Variants in CHST11 observed in about 807,000 individuals in gnomAD.
CHST11 encodes C4S-1.
CHST11 carries 9 observed loss-of-function variants against 30.4 expected under a neutral mutation model. The ratio of observed to expected loss-of-function variants is 0.30; its 90% CI spans 0.18 to 0.52. The LOEUF is 0.52. Among genes scored for constraint, CHST11 ranks in the 20% least tolerant of loss-of-function variants. The probability of loss-of-function intolerance (pLI) is 0.97; values close to 1 mark genes in which losing one functional copy is unlikely to be tolerated. For missense variants in CHST11, 348 were observed against 460.6 expected (o/e 0.76, Z 2.24); for synonymous variants, 152 against 187.8 (o/e 0.81, Z 1.56).
chr12:104,702,071 G>A (rs1042805430), intron 2 of CHST11, among the ~76,000 whole-genome samples: 3 of 152,034 alleles, frequency 2.0e-5, no homozygotes, highest in Admixed American at 1.3e-4. Flanking sequence ...TTATTCATTC[G>A]AGAAGCAGGC....
intron 1 of CHST11, among the ~76,000 whole-genome samples, chr12:104,536,923 C>T (rs148058292): frequency 0.01 from 1,568 of 152,262 alleles, 15 homozygotes; most frequent in South Asian, 0.036. Context: ...CCATCTGTAC[C>T]TTAAGATCCT....
chr12:104,723,778 C>A (rs553442949), intron 2 of CHST11, among the ~76,000 whole-genome samples: 3 of 152,272 alleles, frequency 2.0e-5, no homozygotes, highest in Non-Finnish European at 2.9e-5. Flanking sequence ...GAAGACCGAG[C>A]GATTGGACTG....
intron 2 of CHST11, among the ~76,000 whole-genome samples, chr12:104,704,865 G>A (rs952535724): frequency 3.9e-5 from 6 of 151,994 alleles, no homozygotes; most frequent in African/African-American, 1.4e-4. Flanking sequence ...GGCCACCTTG[G>A]CCCCTCAGTA....
intron 1 of CHST11, among the ~76,000 whole-genome samples, chr12:104,487,460 G>C (rs2037692994): frequency 6.6e-6 from 1 of 152,182 alleles, no homozygotes; most frequent in South Asian, 2.1e-4. Flanking sequence ...CAAGGTCTCA[G>C]TATGTTGCCC....
At chr12:104,654,719 A>G (rs2039526625) in intron 2 of CHST11, among the ~76,000 whole-genome samples, 1 of 152,096 alleles carries the variant, frequency 6.6e-6, no homozygotes, top group Non-Finnish European at 1.5e-5. Context: ...ACCCCAGCTC[A>G]TAGCTGAGGC....
chr12:104,524,508 G>A (rs1430004795), intron 1 of CHST11, among the ~76,000 whole-genome samples: 1 of 151,978 alleles, frequency 6.6e-6, no homozygotes, highest in Non-Finnish European at 1.5e-5. Flanking sequence ...TTTAACCATT[G>A]GTATAAGCAT....
intron 1 of CHST11, among the ~76,000 whole-genome samples, chr12:104,582,089 T>C (rs1489987920): frequency 2.0e-5 from 3 of 152,220 alleles, no homozygotes; most frequent in Non-Finnish European, 4.4e-5. Context: ...GGATGCATCC[T>C]TATTTGCGAG....
chr12:104,583,721 C>CTTTTTTTTTTT (rs1297368145), intron 1 of CHST11, among the ~76,000 whole-genome samples: 3,667 of 9,672 alleles, frequency 0.38, 157 homozygotes, highest in African/African-American at 0.41. Flanking sequence ...AGATCTCTCT[C>CTTTTTTTTTTT]TTTTTTTTGA....
chr12:104,666,957 G>A (rs1366708426), intron 2 of CHST11, among the ~76,000 whole-genome samples: 1 of 152,232 alleles, frequency 6.6e-6, no homozygotes, highest in Non-Finnish European at 1.5e-5. Flanking sequence ...ACTCCTGCCA[G>A]TGTATGGCAT....
At chr12:104,602,935 C>T (rs983252467) in intron 2 of CHST11, among the ~76,000 whole-genome samples, 5 of 151,944 alleles carry the variant, frequency 3.3e-5, no homozygotes, top group African/African-American at 4.9e-5. Flanking sequence ...CCCCTACCCC[C>T]CTTCCCAATC....
intron 1 of CHST11, among the ~76,000 whole-genome samples, chr12:104,479,334 A>G (rs907522295): frequency 2.0e-5 from 3 of 152,156 alleles, no homozygotes; most frequent in Non-Finnish European, 4.4e-5. Context: ...CCCAGTAGAA[A>G]GAGAGAGTAC....
At chr12:104,700,646 C>T (rs2039984322) in intron 2 of CHST11, among the ~76,000 whole-genome samples, 1 of 152,134 alleles carries the variant, frequency 6.6e-6, no homozygotes, top group African/African-American at 2.4e-5. Flanking sequence ...GTACCTGGCA[C>T]CTGGTAATAC....
Position 104,458,554 on chromosome 12 carries a change from G to A in CHST11, c.118+1025G>A, listed in dbSNP as rs1449454023. 1.3e-5 allele frequency among the ~76,000 whole-genome samples: 2 copies of A among 152,234 alleles called. No individual in the cohort carries two copies. Among genetic ancestry groups the A allele is most frequent in the African/African-American group, 2.4e-5 (1 of 41,466 alleles). ...GGCCGGGGGTGAGCAGCTCGGCTGC[G>A]AAGCCCAACAGGTAGAACGTTCCGA... is the stretch of plus-strand genomic sequence containing the variant. On this transcript the variant is annotated intron_variant, in intron 1 of 2. Coordinates refer to ENST00000303694, the MANE Select transcript of CHST11 (RefSeq NM_018413.6). The surrounding 1 kb of genome is among the most constrained non-coding windows in gnomAD (Gnocchi z 5.7).
chr12:104,695,163 A>G (rs1477823680), intron 2 of CHST11, among the ~76,000 whole-genome samples: 1 of 152,194 alleles, frequency 6.6e-6, no homozygotes, highest in Non-Finnish European at 1.5e-5. Flanking sequence ...CAGCTGTCCC[A>G]TCTGTAAGAT....
At chr12:104,534,041 T>TA (rs143897415) in intron 1 of CHST11, among the ~76,000 whole-genome samples, 5,774 of 152,292 alleles carry the variant, frequency 0.038, 385 homozygotes, top group African/African-American at 0.13. Context: ...ATGCATTTTT[T>TA]AATAGAGAAA....
chr12:104,595,912 T>C (rs1357018541), intron 1 of CHST11, among the ~76,000 whole-genome samples: 3 of 152,244 alleles, frequency 2.0e-5, no homozygotes, highest in Non-Finnish European at 4.4e-5. Context: ...GCAACTCATC[T>C]TGGTTTGCCT....
chr12:104,678,708 G>A (rs570475158), intron 2 of CHST11, among the ~76,000 whole-genome samples: 2 of 152,102 alleles, frequency 1.3e-5, no homozygotes, highest in South Asian at 2.1e-4. Flanking sequence ...GGAATGAAAG[G>A]ACAAGGTTTT....
chr12:104,541,834 A>G (rs1035683835), intron 1 of CHST11, among the ~76,000 whole-genome samples: 1 of 152,212 alleles, frequency 6.6e-6, no homozygotes, highest in Non-Finnish European at 1.5e-5. Context: ...AGGCTGAGAC[A>G]GGGAAAATTG....
chr12:104,601,360 T>G (rs1396970582), intron 1 of CHST11, among the ~76,000 whole-genome samples: 1 of 152,228 alleles, frequency 6.6e-6, no homozygotes, highest in Non-Finnish European at 1.5e-5. Flanking sequence ...TCTTTTCTGC[T>G]TCATGCTGAT....
Sources: allele counts gnomAD v4.1 joint callset (sites outside exome capture counted in the v4.1 genomes callset), GRCh38; gene constraint gnomAD v4.1.1; non-coding constraint Gnocchi (gnomAD v3.1); transcripts MANE v1.5; gene names NCBI Gene and HGNC (gene_info 2026-07-23, HGNC 2026-07-21).